Variants in POU1F1 observed in about 807,000 individuals in gnomAD.
The protein encoded by POU1F1 is POU class 1 homeobox 1.
A neutral mutation model predicts 32.3 loss-of-function variants in POU1F1; 23 were observed. The ratio of observed to expected loss-of-function variants is 0.71; its 90% CI spans 0.51 to 1.01. The LOEUF is 1.01. POU1F1 is among the 50% of genes least tolerant of loss of function. The probability of loss-of-function intolerance (pLI) is 0.00; values close to 1 mark genes in which losing one functional copy is unlikely to be tolerated. For synonymous variants in POU1F1, 120 were observed against 115.6 expected (o/e 1.04, Z -0.25); for missense variants, 323 against 341.6 (o/e 0.95, Z 0.43).
chr3:87,263,396 T>C (rs535041608), intron 3 of POU1F1, among the ~76,000 whole-genome samples: 29 of 152,282 alleles, frequency 1.9e-4, no homozygotes, highest in African/African-American at 6.7e-4. Flanking sequence ...TTTTGTGTTA[T>C]AGTTATACTC....
At chr3:87,272,880 G>C (rs1233975393) in intron 2 of POU1F1, among the ~76,000 whole-genome samples, 1 of 152,140 alleles carries the variant, frequency 6.6e-6, no homozygotes, top group African/African-American at 2.4e-5. Flanking sequence ...AACCTGTGCT[G>C]TCTGATATGG....
chr3:87,264,952 G>A (rs897141144), intron 2 of POU1F1, among the ~76,000 whole-genome samples: 12 of 152,244 alleles, frequency 7.9e-5, no homozygotes, highest in Admixed American at 2.6e-4. Context: ...GGCACTAAAT[G>A]CTTCGGCTAA....
chr3:87,262,914 A>G (rs1466067746), intron 3 of POU1F1, among the ~76,000 whole-genome samples: 1 of 152,146 alleles, frequency 6.6e-6, no homozygotes, highest in Non-Finnish European at 1.5e-5. Context: ...TAGATAGAAA[A>G]CTGAAAATGA....
chr3:87,271,788 G>A (rs1706730812), intron 2 of POU1F1, among the ~76,000 whole-genome samples: 1 of 151,964 alleles, frequency 6.6e-6, no homozygotes, highest in African/African-American at 2.4e-5. Flanking sequence ...GAAAAAATAT[G>A]GCTTTAATTC....
At position 87,259,720 on chromosome 3, in the gene POU1F1, A is replaced by G; in HGVS notation, c.*174T>C. The G allele has an allele frequency of 1.6e-6, 1 of 618,958 alleles. No individual in the cohort carries two copies. Among genetic ancestry groups the G allele is most frequent in the East Asian group, 2.8e-5 (1 of 35,150 alleles). The allele number at this position is 618,958 out of a possible 1,614,324, so 38.3% of individuals were successfully genotyped here. A position where few individuals can be genotyped will look rare whatever the true frequency, so the allele number is the denominator to read the frequency against. ...AGAATAATTATTTTAAGTAAATAAC[A>G]TCAATATAATTTAAATTGTTGGTTT... On this transcript the variant is annotated 3_prime_UTR_variant, in exon 6 of 6. Transcript: ENST00000350375.
In POU1F1 at chr3:87,260,117, G is replaced by A. The variant is rs1200854186; in HGVS notation, c.666-13C>T. The A allele has an allele frequency of 3.1e-6, 5 of 1,606,792 alleles. No individual in the cohort carries two copies. In the African/African-American group the frequency reaches 6.7e-5, roughly 22 times the overall value. On this transcript the variant is annotated splice_polypyrimidine_tract_variant and intron_variant, in intron 5 of 5. Coordinates refer to ENST00000350375, the MANE Select transcript of POU1F1 (RefSeq NM_000306.4). ...TTTAGCAGCAATGCTGGCGGGGGGT[G>A]GACATAGGGGGTGAAATTTTGTTGT...
At chr3:87,273,817 G>A (rs1008989834) in intron 1 of POU1F1, among the ~76,000 whole-genome samples, 6 of 152,088 alleles carry the variant, frequency 3.9e-5, no homozygotes, top group Non-Finnish European at 8.8e-5. Flanking sequence ...ATTGCAACTC[G>A]CCGACTAGAA....
intron 2 of POU1F1, among the ~76,000 whole-genome samples, chr3:87,272,378 TG>T (rs1706744200): frequency 6.6e-6 from 1 of 152,242 alleles, no homozygotes; most frequent in African/African-American, 2.4e-5. Context: ...TATGTATACA[TG>T]CGCCATGCTG....
rs11718839 is a variant in POU1F1 at position 87,268,237 on chromosome 3, C to T, written c.215-3725G>A. Among the ~76,000 whole-genome samples the T allele has an allele frequency of 9.5e-3, 1,431 of 151,298 alleles. 10 individuals carry two copies. The highest frequency in any genetic ancestry group is 0.038 in the Middle Eastern group (11 of 292). On this transcript the variant is annotated intron_variant, in intron 2 of 5. Coordinates refer to ENST00000350375, the MANE Select transcript of POU1F1 (RefSeq NM_000306.4). ...GGGACTACAGGTGCCTGCCACCACA[C>T]CCGGCTAATTTTTATATTTTTTAAT...
intron 2 of POU1F1, 112 bp downstream of exon 2, chr3:87,273,234 CA>C: frequency 8.5e-7 from 1 of 1,178,228 alleles, no homozygotes; most frequent in East Asian, 2.5e-5. Context: ...CAGTAATTTT[CA>C]AAGTTAAGAA....
At chr3:87,270,661 C>T (rs1015767761) in intron 2 of POU1F1, among the ~76,000 whole-genome samples, 5 of 152,106 alleles carry the variant, frequency 3.3e-5, no homozygotes, top group African/African-American at 1.2e-4. Context: ...TGTTAAGACA[C>T]TTCTGTGGAT....
rs147909927 is a variant in POU1F1, at chr3:87,262,349, T to C, written c.440-114A>G. 7.2e-5 allele frequency: 84 copies of C among 1,170,862 alleles called. No individual in the cohort carries two copies. In the African/African-American group the frequency reaches 1.1e-3, roughly 15 times the overall value. The allele number at this position is 1,170,862 out of a possible 1,614,324, so 72.5% of individuals were successfully genotyped here. ...CAACTATTACACACTATTTTTTAAC[T>C]ATATATTCTTGGCAAATCAGAATTA... is the stretch of plus-strand genomic sequence containing the variant. On this transcript the variant is annotated intron_variant, in intron 3 of 5. Transcript: ENST00000350375.
intron 2 of POU1F1, among the ~76,000 whole-genome samples, chr3:87,268,084 C>CCTTTTTT (rs747971339): frequency 1.7e-5 from 2 of 116,468 alleles, no homozygotes; most frequent in Non-Finnish European, 1.7e-5. Flanking sequence ...TTCCCTTTCC[C>CCTTTTTT]TTTTTTTTTT....
intron 3 of POU1F1, 26 bp from the exon 4 acceptor site, chr3:87,262,261 A>C: frequency 1.2e-6 from 2 of 1,613,436 alleles, no homozygotes; most frequent in Non-Finnish European, 1.7e-6. Flanking sequence ...AAAGACCATC[A>C]GCTCCAACTT....
rs547104320 is a variant in POU1F1 at position 87,276,548 on chromosome 3, A to C, written c.-86T>G. On this transcript the variant is annotated 5_prime_UTR_variant, in exon 1 of 6. Transcript: ENST00000350375. Reference sequence around the variant, plus strand: ...ATTACTGTCTCAAAGGGCCGATTCAATTCTCACTACCTGCATATATACATC... The same window carrying C: ...ATTACTGTCTCAAAGGGCCGATTCACTTCTCACTACCTGCATATATACATC... The C allele has an allele frequency of 6.8e-7, 1 of 1,467,358 alleles. No homozygotes were observed. The highest frequency in any genetic ancestry group is 9.3e-7 in the Non-Finnish European group (1 of 1,071,258). The allele number at this position is 1,467,358 out of a possible 1,614,324, so 90.9% of individuals were successfully genotyped here. A position where few individuals can be genotyped will look rare whatever the true frequency, so the allele number is the denominator to read the frequency against.
intron 2 of POU1F1, among the ~76,000 whole-genome samples, chr3:87,267,549 A>T (rs1706642431): frequency 6.6e-6 from 1 of 152,110 alleles, no homozygotes; most frequent in Non-Finnish European, 1.5e-5. Flanking sequence ...ATTACAATAA[A>T]ATATATATAA....
chr3:87,267,767 T>A (rs7637388), intron 2 of POU1F1, among the ~76,000 whole-genome samples: 58,238 of 151,864 alleles, frequency 0.38, 11,741 homozygotes, highest in South Asian at 0.57. Context: ...GCCATGCTCA[T>A]CTACTTTTTT....
At chr3:87,271,583 G>C (rs528430536) in intron 2 of POU1F1, among the ~76,000 whole-genome samples, 1 of 152,238 alleles carries the variant, frequency 6.6e-6, no homozygotes, top group African/African-American at 2.4e-5. Context: ...AGTGGCATGT[G>C]TTTGTCATTT....
At chr3:87,260,330 A>T (rs1330828968) in intron 5 of POU1F1, among the ~76,000 whole-genome samples, 1 of 152,202 alleles carries the variant, frequency 6.6e-6, no homozygotes, top group African/African-American at 2.4e-5. Flanking sequence ...CACGGAAAGC[A>T]TTAAGTAGGG....
Sources: allele counts gnomAD v4.1 joint callset (sites outside exome capture counted in the v4.1 genomes callset), GRCh38; gene constraint gnomAD v4.1.1; transcripts MANE v1.5; gene names NCBI Gene and HGNC (gene_info 2026-07-23, HGNC 2026-07-21).